The following HIBADH variants were observed in gnomAD, a reference collection of about 807,000 sequenced individuals.
HIBADH encodes 3-hydroxyisobutyrate dehydrogenase, mitochondrial.
Under a neutral mutation model 36.1 loss-of-function variants are expected in HIBADH, and 25 were observed. That is an observed-to-expected ratio of 0.69 (90% CI 0.50 to 0.97). HIBADH has a LOEUF of 0.97. HIBADH is among the 50% of genes least tolerant of loss of function. The pLI is 0.00. For missense variants in HIBADH, 421 were observed against 418.0 expected (o/e 1.01, Z -0.06); for synonymous variants, 160 against 149.5 (o/e 1.07, Z -0.51).
chr7:27,557,090 T>C (rs1261404923), intron 4 of HIBADH, among the ~76,000 whole-genome samples: 4 of 151,076 alleles, frequency 2.6e-5, no homozygotes, highest in Admixed American at 2.0e-4. Context: ...TAGCGAGGCA[T>C]GTTCACACCA....
chr7:27,570,914 A>G (rs780461425), intron 4 of HIBADH, among the ~76,000 whole-genome samples: 2 of 152,114 alleles, frequency 1.3e-5, no homozygotes, highest in Non-Finnish European at 2.9e-5. Flanking sequence ...GTTTATGTCA[A>G]TTCTGAAAAA....
intron 4 of HIBADH, among the ~76,000 whole-genome samples, chr7:27,576,644 TAATATTCCTTTTCATTATAAAGGGA>T (rs1430480773): frequency 6.6e-6 from 1 of 152,252 alleles, no homozygotes; most frequent in African/African-American, 2.4e-5. Flanking sequence ...TTGAAGATGT[TAATATTCCTTTTCATTATAAAGGGA>T]AATATTCCTT....
intron 2 of HIBADH, among the ~76,000 whole-genome samples, chr7:27,641,632 T>C (rs75409076): frequency 0.014 from 2,189 of 152,312 alleles, 35 homozygotes; most frequent in East Asian, 0.063. Context: ...AATAAGAATG[T>C]TGACATTTTA....
intron 4 of HIBADH, among the ~76,000 whole-genome samples, chr7:27,591,606 G>T (rs945730065): frequency 1.3e-5 from 2 of 151,888 alleles, no homozygotes; most frequent in Admixed American, 1.3e-4. Flanking sequence ...TGCCTTCAGT[G>T]AAGAGCGTGG....
intron 5 of HIBADH, among the ~76,000 whole-genome samples, 195 bp from the exon 6 acceptor site, chr7:27,538,612 C>T (rs758861713): frequency 1.3e-5 from 2 of 152,042 alleles, no homozygotes; most frequent in Non-Finnish European, 2.9e-5. Flanking sequence ...AGCAGACTTG[C>T]GGGTCTCCTC....
Position 27,525,653 on chromosome 7 carries a change from C to T in HIBADH, c.*561G>A, listed in dbSNP as rs894078268. The stretch of plus-strand genomic sequence containing the variant: ...CGGGAGTTGGTGAGGGATATCCTAC[C>T]ATATTGTGACGGAGTCCAAATAGAA... On this transcript the variant is annotated 3_prime_UTR_variant, in exon 8 of 8. Transcript: ENST00000265395. 3 of 152,122 alleles carry T rather than the reference C, an allele frequency of 2.0e-5. No individual in the cohort carries two copies. Among genetic ancestry groups the T allele is most frequent in the Non-Finnish European group, 4.4e-5 (3 of 68,026 alleles). The allele number at this position is 152,122 out of a possible 1,614,324, so 9.4% of individuals were successfully genotyped here. A position where few individuals can be genotyped will look rare whatever the true frequency, so the allele number is the denominator to read the frequency against.
At chr7:27,579,355 A>C (rs1784758336) in intron 4 of HIBADH, among the ~76,000 whole-genome samples, 1 of 152,216 alleles carries the variant, frequency 6.6e-6, no homozygotes, top group African/African-American at 2.4e-5. Flanking sequence ...AATTTAAAAT[A>C]TAACAAATAA....
intron 4 of HIBADH, among the ~76,000 whole-genome samples, chr7:27,589,032 T>C (rs1185611922): frequency 6.6e-6 from 1 of 152,182 alleles, no homozygotes; most frequent in African/African-American, 2.4e-5. Context: ...TGTATGAAAA[T>C]TAGGAACTAT....
At chr7:27,555,302 C>CTTTTT (rs3072856) in intron 4 of HIBADH, among the ~76,000 whole-genome samples, 3 of 127,436 alleles carry the variant, frequency 2.4e-5, no homozygotes, top group African/African-American at 9.0e-5. Flanking sequence ...TCTTGCTCTA[C>CTTTTT]TTTTTTTTTT....
At chr7:27,558,521 C>CAA (rs1306061715) in intron 4 of HIBADH, among the ~76,000 whole-genome samples, 2 of 151,980 alleles carry the variant, frequency 1.3e-5, no homozygotes, top group African/African-American at 4.8e-5. Flanking sequence ...GTAGAGATGG[C>CAA]GTCTTGCCAT....
chr7:27,632,533 C>T (rs1373214624), intron 2 of HIBADH, 88 bp from the exon 3 acceptor site: 1 of 721,492 alleles, frequency 1.4e-6, no homozygotes, highest in Non-Finnish European at 2.4e-6. Flanking sequence ...TCATGCATGC[C>T]TATAACAGTG....
chr7:27,560,744 G>T lies in HIBADH; in HGVS notation c.485-17644C>A, dbSNP rs111610129. Among the ~76,000 whole-genome samples, 12 of 152,274 alleles carry T rather than the reference G, an allele frequency of 7.9e-5. 1 individual carries two copies. The highest frequency in any genetic ancestry group is 2.9e-4 in the African/African-American group (12 of 41,558). On this transcript the variant is annotated intron_variant, in intron 4 of 7. Coordinates refer to ENST00000265395, the MANE Select transcript of HIBADH (RefSeq NM_152740.4). ...CATTTATCCACTGATGGACATTTGG[G>T]TTGTTTCCACCTTTTGGTTACTATG... is the stretch of plus-strand genomic sequence containing the variant.
rs1255639469 is a variant in HIBADH, at chr7:27,567,052, C to A, written c.485-23952G>T. On this transcript the variant is annotated intron_variant, in intron 4 of 7. Coordinates refer to ENST00000265395, the MANE Select transcript of HIBADH (RefSeq NM_152740.4). ...ATGTCAATTAGGTTCATTTGATTGA[C>A]GATGTTGCTCAATTCTTTTATATTG... 2.0e-5 allele frequency among the ~76,000 whole-genome samples: 3 copies of A among 152,034 alleles called. No individual in the cohort carries two copies. In the South Asian group the frequency reaches 6.2e-4, roughly 31 times the overall value.
At chr7:27,584,156 C>T in intron 4 of HIBADH, among the ~76,000 whole-genome samples, 1 of 151,946 alleles carries the variant, frequency 6.6e-6, no homozygotes. Flanking sequence ...TAAACCCAAA[C>T]CTGACAAATG....
intron 1 of HIBADH, among the ~76,000 whole-genome samples, chr7:27,659,389 A>T (rs1228256576): frequency 6.6e-6 from 1 of 152,104 alleles, no homozygotes; most frequent in Admixed American, 6.5e-5. Flanking sequence ...AACATTTCTC[A>T]TTCTTCTATT....
intron 1 of HIBADH, among the ~76,000 whole-genome samples, chr7:27,656,303 A>G (rs1446979891): frequency 6.6e-6 from 1 of 152,206 alleles, no homozygotes. Context: ...TTATTACAGC[A>G]CTACTTGTAA....
intron 2 of HIBADH, among the ~76,000 whole-genome samples, chr7:27,643,656 A>T (rs1786001904): frequency 6.6e-6 from 1 of 152,232 alleles, no homozygotes; most frequent in African/African-American, 2.4e-5. Context: ...CAGCTGCTGC[A>T]ACAAGTTACC....
intron 7 of HIBADH, among the ~76,000 whole-genome samples, chr7:27,527,132 C>T (rs537083218): frequency 6.6e-6 from 1 of 151,738 alleles, no homozygotes; most frequent in South Asian, 2.1e-4. Flanking sequence ...GAGTTCAGCA[C>T]GATGAAAGCA....
rs1554300959 is a variant in HIBADH, at chr7:27,645,368, A to ATATTTTTT, written c.252+4104_252+4105insAAAAAATA. Among the ~76,000 whole-genome samples, 8 of 59,650 alleles carry ATATTTTTT rather than the reference A, an allele frequency of 1.3e-4. 1 individual carries two copies. The highest frequency in any genetic ancestry group is 2.5e-4 in the Non-Finnish European group (8 of 31,792). The allele number at this position is 59,650 out of a possible 152,430, so 39.1% of individuals were successfully genotyped here. A position where few individuals can be genotyped will look rare whatever the true frequency, so the allele number is the denominator to read the frequency against. ...CTAGTGGGTGTGTCTCATGGTTTTG[A>ATATTTTTT]TTTTTTTTTTTTTTTTTTTTTTTTT... On this transcript the variant is annotated intron_variant, in intron 2 of 7. Coordinates refer to ENST00000265395, the MANE Select transcript of HIBADH (RefSeq NM_152740.4).
Sources: gnomAD v4.1 joint callset for allele counts (sites outside exome capture counted in the v4.1 genomes callset) on GRCh38, gnomAD v4.1.1 for gene constraint, MANE v1.5 for transcripts, NCBI Gene and HGNC (gene_info 2026-07-23, HGNC 2026-07-21) for gene names.